The following TMCC3 variants were observed in gnomAD, a reference collection of about 807,000 sequenced individuals.
The protein encoded by TMCC3 is transmembrane and coiled-coil domain protein 3.
In TMCC3, 28 loss-of-function variants were observed where a neutral mutation model predicts 40.2. The observed-to-expected ratio is 0.70, with a 90% CI of 0.52 to 0.95. The LOEUF (loss-of-function observed/expected upper bound fraction) is 0.95, where lower values mean the gene tolerates loss of function less well. TMCC3 is among the 40% of genes least tolerant of loss of function. TMCC3 has a pLI of 0.00. For synonymous variants in TMCC3, 255 were observed against 248.5 expected (o/e 1.03, Z -0.25); for missense variants, 554 against 615.2 (o/e 0.90, Z 1.05).
rs1259718600 is a variant in TMCC3 at position 94,569,820 on chromosome 12, G to A, written c.*1615C>T. 6.6e-6 allele frequency: 1 copy of A among 152,194 alleles called. No homozygotes were observed. The highest frequency in any genetic ancestry group is 6.5e-5 in the Admixed American group (1 of 15,284). 9.4% of individuals were successfully genotyped at this position (152,194 alleles called of 1,614,324 possible). On this transcript the variant is annotated 3_prime_UTR_variant, in exon 4 of 4. Coordinates refer to ENST00000261226, the MANE Select transcript of TMCC3 (RefSeq NM_020698.4). ...AATATTGCACTTAATTTGAATCCAG[G>A]GGGACCTGATGTCTCCTGGAAGAAA...
At chr12:94,646,119 T>C (rs943424597) in intron 1 of TMCC3, among the ~76,000 whole-genome samples, 2 of 152,154 alleles carry the variant, frequency 1.3e-5, no homozygotes, top group African/African-American at 2.4e-5. Flanking sequence ...GAAAATAATA[T>C]GGTCCTTGCA....
At chr12:94,581,590 A>T in intron 2 of TMCC3, 32 bp downstream of exon 2, 2 of 1,285,076 alleles carry the variant, frequency 1.6e-6, no homozygotes, top group Non-Finnish European at 2.0e-6. Flanking sequence ...AATAAAAAAT[A>T]AAAAACACGC....
chr12:94,639,566 C>G (rs562869445), intron 1 of TMCC3, among the ~76,000 whole-genome samples: 1 of 151,432 alleles, frequency 6.6e-6, no homozygotes, highest in South Asian at 2.1e-4. Flanking sequence ...GGCAACAGAA[C>G]GAGACTCTAT....
intron 1 of TMCC3, among the ~76,000 whole-genome samples, chr12:94,589,050 T>C (rs2068655624): frequency 6.6e-6 from 1 of 152,144 alleles, no homozygotes; most frequent in South Asian, 2.1e-4. Context: ...CTCAAACTCC[T>C]GACCTCAGGT....
chr12:94,588,888 A>G lies in TMCC3; in HGVS notation c.79-6350T>C, dbSNP rs2068654491. ...ACCCAGGTTGGAGTGCAGTGGTGCA[A>G]TCTCGGCTCACTGCAACCTCCACCT... On this transcript the variant is annotated intron_variant, in intron 1 of 3. Transcript: ENST00000261226. 3.3e-5 allele frequency among the ~76,000 whole-genome samples: 5 copies of G among 150,914 alleles called. 1 individual carries two copies. In the South Asian group the frequency reaches 8.4e-4, roughly 25 times the overall value.
intron 3 of TMCC3, among the ~76,000 whole-genome samples, chr12:94,573,952 C>G (rs1344584726): frequency 6.6e-6 from 1 of 152,220 alleles, no homozygotes; most frequent in Non-Finnish European, 1.5e-5. Flanking sequence ...TCCCCAACCA[C>G]AAGACATACG....
intron 1 of TMCC3, among the ~76,000 whole-genome samples, chr12:94,647,144 A>C (rs1311200506): frequency 6.6e-6 from 1 of 152,220 alleles, no homozygotes; most frequent in Non-Finnish European, 1.5e-5. Flanking sequence ...TCTTTCTTCT[A>C]AAGTAGAGAG....
chr12:94,624,595 T>G (rs990808335), intron 1 of TMCC3, among the ~76,000 whole-genome samples: 2 of 151,952 alleles, frequency 1.3e-5, no homozygotes, highest in Non-Finnish European at 2.9e-5. Context: ...ACGCCTGTAG[T>G]CCCAGCTACT....
At chr12:94,590,589 C>A (rs1038318620) in intron 1 of TMCC3, among the ~76,000 whole-genome samples, 1 of 152,132 alleles carries the variant, frequency 6.6e-6, no homozygotes, top group Non-Finnish European at 1.5e-5. Flanking sequence ...AGCAGATAAG[C>A]CCTGGATCTG....
At chr12:94,608,582 AC>A (rs768958301) in intron 1 of TMCC3, among the ~76,000 whole-genome samples, 2 of 152,144 alleles carry the variant, frequency 1.3e-5, no homozygotes, top group Non-Finnish European at 2.9e-5. Context: ...CTCAGTGGTC[AC>A]CACCGTAGAC....
chr12:94,615,315 C>T (rs1245617770), intron 1 of TMCC3, among the ~76,000 whole-genome samples: 4 of 152,112 alleles, frequency 2.6e-5, no homozygotes, highest in Non-Finnish European at 5.9e-5. Flanking sequence ...ATGGGGTGTC[C>T]AAGCATGGTC....
At chr12:94,598,272 A>G (rs1221209709) in intron 1 of TMCC3, among the ~76,000 whole-genome samples, 1 of 152,168 alleles carries the variant, frequency 6.6e-6, no homozygotes, top group Non-Finnish European at 1.5e-5. Context: ...CCTTTTCTTG[A>G]GCTCTTTCTG....
chr12:94,602,813 T>A (rs2068760917), intron 1 of TMCC3, among the ~76,000 whole-genome samples: 1 of 152,118 alleles, frequency 6.6e-6, no homozygotes, highest in African/African-American at 2.4e-5. Flanking sequence ...TAATCAAGTT[T>A]GAATTGTGAC....
chr12:94,581,756 G>A lies in TMCC3; in HGVS notation c.861C>T (p.Leu287=), dbSNP rs370274836. The A allele has an allele frequency of 1.5e-4, 240 of 1,614,142 alleles. 1 individual carries two copies. Among genetic ancestry groups the A allele is most frequent in the Admixed American group, 3.7e-4 (22 of 60,022 alleles). ...CCCTCAGTTCCTCCAGGATCACGGC[G>A]AGCTTGCCCTGGCTGTCCAGTGTGC... is the stretch of plus-strand genomic sequence containing the variant. The part of the protein sequence containing the change: ...GASTLDSQGK[L]AVILEELREI... The change falls in exon 2 of 4, where the codon CTC becomes CTT. Residue 287 remains leucine (L), a synonymous_variant. Coordinates refer to ENST00000261226, the MANE Select transcript of TMCC3 (RefSeq NM_020698.4).
At chr12:94,597,117 T>TAAAAA (rs1265233755) in intron 1 of TMCC3, among the ~76,000 whole-genome samples, 6 of 79,294 alleles carry the variant, frequency 7.6e-5, no homozygotes, top group African/African-American at 3.1e-4. Flanking sequence ...CTGTCTCTAT[T>TAAAAA]AAAATACATA....
chr12:94,650,297 C>G (rs927817576), intron 1 of TMCC3, 56 bp downstream of exon 1: 1 of 1,130,134 alleles, frequency 8.8e-7, no homozygotes, highest in Non-Finnish European at 1.1e-6. Context: ...GCCGCCCCAG[C>G]CCGCCTCGCC....
chr12:94,641,212 A>T (rs1326268048), intron 1 of TMCC3, among the ~76,000 whole-genome samples: 2 of 143,616 alleles, frequency 1.4e-5, no homozygotes, highest in Non-Finnish European at 3.1e-5. Flanking sequence ...AAAAAAAAAG[A>T]AAAGAAAAGA....
At chr12:94,606,247 T>C (rs544932758) in intron 1 of TMCC3, among the ~76,000 whole-genome samples, 10 of 152,326 alleles carry the variant, frequency 6.6e-5, no homozygotes, top group African/African-American at 2.4e-4. Context: ...AGAAGTATCA[T>C]TTGGAAACAT....
At chr12:94,641,406 T>C (rs1238405985) in intron 1 of TMCC3, among the ~76,000 whole-genome samples, 1 of 152,032 alleles carries the variant, frequency 6.6e-6, no homozygotes, top group Non-Finnish European at 1.5e-5. Context: ...AAGTGTCTCA[T>C]AGGATACAGT....
Sources: gnomAD v4.1 joint callset for allele counts (sites outside exome capture counted in the v4.1 genomes callset) on GRCh38, gnomAD v4.1.1 for gene constraint, MANE v1.5 for transcripts, NCBI Gene and HGNC (gene_info 2026-07-23, HGNC 2026-07-21) for gene names.